Variants in PELP1 observed in about 807,000 individuals in gnomAD.
The protein encoded by PELP1 is proline-, glutamic acid- and leucine-rich protein 1.
Under a neutral mutation model 95.5 loss-of-function variants are expected in PELP1, and 32 were observed. The ratio of observed to expected loss-of-function variants is 0.34; its 90% CI spans 0.25 to 0.45. The LOEUF is 0.45. PELP1 is among the 20% of genes least tolerant of loss of function. The pLI is 1.00. For missense variants in PELP1, 1,358 were observed against 1,444.8 expected, an observed-to-expected ratio of 0.94 and a Z score of 0.97; for synonymous variants, 668 against 600.1, an observed-to-expected ratio of 1.11 and a Z score of -1.65.
At position 4,672,242 on chromosome 17, in the gene PELP1, C is replaced by T; in HGVS notation, c.2749G>A (p.Glu917Lys). 1.9e-6 allele frequency: 3 copies of T among 1,552,976 alleles called. No individual in the cohort carries two copies. The highest frequency in any genetic ancestry group is 2.6e-6 in the Non-Finnish European group (3 of 1,147,568). The change falls in exon 16 of 17, where the codon GAA becomes AAA. Residue 917 changes from glutamate (E) to lysine (K), a missense_variant. Transcript: ENST00000572293. Reference sequence around the variant, plus strand: ...TCTTCCTCTTCAAAATATTCCTCTTCATCCTCTTCCTCTTCCTCAAAGTCT... The same window carrying T: ...TCTTCCTCTTCAAAATATTCCTCTTTATCCTCTTCCTCTTCCTCAAAGTCT... Reference protein sequence around the residue: ...EEDFEEEEEDEEEYFEEEEEE... With the variant: ...EEDFEEEEEDKEEYFEEEEEE...
chr17:4,696,032 GA>G (rs35433764), intron 1 of PELP1, among the ~76,000 whole-genome samples: 22,435 of 144,404 alleles, frequency 0.16, 2,913 homozygotes, highest in African/African-American at 0.35. Context: ...TCCAGGAAAA[GA>G]AAAAAAAAAA....
At chr17:4,689,984 C>T (rs1399616087) in intron 3 of PELP1, among the ~76,000 whole-genome samples, 1 of 152,046 alleles carries the variant, frequency 6.6e-6, no homozygotes, top group Non-Finnish European at 1.5e-5. Flanking sequence ...TGAGAGCGCG[C>T]CACTGCACTC....
In PELP1 at chr17:4,673,507, T is replaced by C. The variant is rs976206603; in HGVS notation, c.1639-51A>G. ...AACATCCCCAAGACCACCCAACCCT[T>C]CTCCAGAGCCTACTCCCAGGTCGGA... is the stretch of plus-strand genomic sequence containing the variant. On this transcript the variant is annotated intron_variant, in intron 14 of 16. Transcript: ENST00000572293. The surrounding 1 kb of genome is among the most constrained non-coding windows in gnomAD (Gnocchi z 5.7). The C allele has an allele frequency of 6.4e-7, 1 of 1,565,038 alleles. No individual in the cohort carries two copies. Among genetic ancestry groups the C allele is most frequent in the African/African-American group, 1.4e-5 (1 of 73,768 alleles).
At chr17:4,703,837 C>G (rs755643345) in intron 1 of PELP1, 26 bp downstream of exon 1, 21 of 1,589,866 alleles carry the variant, frequency 1.3e-5, no homozygotes, top group Non-Finnish European at 1.7e-5. Flanking sequence ...CCCACAGGGC[C>G]GCGGGCACGC....
chr17:4,690,744 G>A (rs1005843158), intron 3 of PELP1, 144 bp downstream of exon 3: 1 of 588,766 alleles, frequency 1.7e-6, no homozygotes, highest in Admixed American at 2.9e-5. Flanking sequence ...TCTATTTGAA[G>A]CTTATCCTCT....
intron 3 of PELP1, among the ~76,000 whole-genome samples, chr17:4,686,551 T>C (rs1254442317): frequency 6.6e-6 from 1 of 152,148 alleles, no homozygotes; most frequent in Non-Finnish European, 1.5e-5. Context: ...GGAGTCTCGC[T>C]CTGTCACCCA....
intron 3 of PELP1, among the ~76,000 whole-genome samples, chr17:4,689,517 G>C (rs2150562012): frequency 1.3e-5 from 2 of 152,290 alleles, no homozygotes; most frequent in South Asian, 2.1e-4. Flanking sequence ...CTAAGGACAT[G>C]AACAGGCAAT....
chr17:4,692,244 G>C (rs1429349862), intron 1 of PELP1, among the ~76,000 whole-genome samples: 2 of 152,142 alleles, frequency 1.3e-5, no homozygotes, highest in Non-Finnish European at 2.9e-5. Flanking sequence ...AAAGCAGGCG[G>C]ATCACGAGGT....
At position 4,674,621 on chromosome 17, in the gene PELP1, G is replaced by T; in HGVS notation, c.1471C>A (p.Pro491Thr). Reference sequence around the variant, plus strand: ...AGCTTTAGCTTCTTGGGGGCGCTAGGCTTCCCAGTCTGCAAACTCCCATCA... The same window carrying T: ...AGCTTTAGCTTCTTGGGGGCGCTAGTCTTCCCAGTCTGCAAACTCCCATCA... Reference protein sequence around the residue: ...SPDGSLQTGKPSAPKKLKLDV... With the variant: ...SPDGSLQTGKTSAPKKLKLDV... The change falls in exon 13 of 17, where the codon CCT becomes ACT. Residue 491 changes from proline to threonine, a missense_variant. Coordinates refer to ENST00000572293, the MANE Select transcript of PELP1 (RefSeq NM_014389.3). 1 of 1,605,048 alleles carries T rather than the reference G, an allele frequency of 6.2e-7. No individual in the cohort carries two copies. Among genetic ancestry groups the T allele is most frequent in the Non-Finnish European group, 8.5e-7 (1 of 1,177,504 alleles).
intron 13 of PELP1, among the ~76,000 whole-genome samples, chr17:4,674,214 CA>C (rs1912355058): frequency 6.6e-6 from 1 of 152,232 alleles, no homozygotes; most frequent in Non-Finnish European, 1.5e-5. Context: ...TGTCGGCTAC[CA>C]GAGCTCCCGG....
intron 3 of PELP1, chr17:4,683,219 TTC>T: frequency 7.9e-6 from 2 of 251,736 alleles, no homozygotes; most frequent in Non-Finnish European, 1.1e-5. Flanking sequence ...CTGAAGAGTT[TTC>T]TTTTTTTTTT....
chr17:4,701,701 CT>C (rs1346802119), intron 1 of PELP1, among the ~76,000 whole-genome samples: 2 of 152,180 alleles, frequency 1.3e-5, no homozygotes, highest in African/African-American at 4.8e-5. Flanking sequence ...CATTTCTCAT[CT>C]TAACTAGACT....
In PELP1 at chr17:4,673,411, C is replaced by A. The variant is rs768159419; in HGVS notation, c.1684G>T (p.Gly562Cys). The A allele has an allele frequency of 6.3e-7, 1 of 1,595,950 alleles. No homozygotes were observed. Among genetic ancestry groups the A allele is most frequent in the South Asian group, 1.1e-5 (1 of 88,154 alleles). The change falls in exon 15 of 17, where the codon GGT becomes TGT. Residue 562 changes from glycine to cysteine, a missense_variant. Coordinates refer to ENST00000572293, the MANE Select transcript of PELP1 (RefSeq NM_014389.3). This position sits in a 1 kb window ranked among gnomAD's most constrained non-coding sequence, Gnocchi z 5.7. ...VLPLVMGVQQ[G>C]EVLGSSPYTS... ...TACGGGGAGCTGCCTAGGACCTCACCCTGCTGTACACCCATGACCAGGGGG... is the reference window on the plus strand; with the variant it reads ...TACGGGGAGCTGCCTAGGACCTCACACTGCTGTACACCCATGACCAGGGGG...
intron 4 of PELP1, 74 bp from the exon 5 acceptor site, chr17:4,682,647 C>T (rs980530597): frequency 6.9e-7 from 1 of 1,445,250 alleles, no homozygotes; most frequent in Admixed American, 1.8e-5. Context: ...CCCAGCACCC[C>T]ACAAGGGCCC....
intron 1 of PELP1, among the ~76,000 whole-genome samples, chr17:4,696,343 A>T (rs962811191): frequency 6.6e-6 from 1 of 152,170 alleles, no homozygotes; most frequent in African/African-American, 2.4e-5. Flanking sequence ...AAAAAAGAAA[A>T]ATAAAAAGAG....
intron 6 of PELP1, 85 bp from the exon 7 acceptor site, chr17:4,676,592 T>C (rs2150554922): frequency 2.6e-6 from 4 of 1,536,542 alleles, no homozygotes; most frequent in South Asian, 1.2e-5. Flanking sequence ...CCAAAAGAGA[T>C]GGAGATCAGA....
chr17:4,676,913 C>A, intron 5 of PELP1, 101 bp from the exon 6 acceptor site: 1 of 876,640 alleles, frequency 1.1e-6, no homozygotes, highest in South Asian at 1.5e-5. Flanking sequence ...GCCCAGGTCT[C>A]TTTTTCCTGT....
rs1912372636 is a variant in PELP1, at chr17:4,674,541, G to A, written c.1551C>T (p.Ala517=). 6.2e-7 allele frequency: 1 copy of A among 1,613,218 alleles called. No individual in the cohort carries two copies. Among genetic ancestry groups the A allele is most frequent in the Admixed American group, 1.7e-5 (1 of 59,778 alleles). The change falls in exon 13 of 17, where the codon GCC becomes GCT. Residue 517 remains alanine (A), a synonymous_variant. Transcript: ENST00000572293. ...PPSHRKGDSN[A]NSDVCAAALR... ...GTGCAGCCGCACACACGTCGCTGTT[G>A]GCATTGCTATCCCCTTTCCGGTGGC...
chr17:4,695,279 G>A (rs148174727), intron 1 of PELP1, among the ~76,000 whole-genome samples: 15 of 151,610 alleles, frequency 9.9e-5, no homozygotes, highest in African/African-American at 2.7e-4. Context: ...CCGAGATCAC[G>A]CCACTGCACT....
Sources: allele counts gnomAD v4.1 joint callset (sites outside exome capture counted in the v4.1 genomes callset), GRCh38; gene constraint gnomAD v4.1.1; non-coding constraint Gnocchi (gnomAD v3.1); transcripts MANE v1.5; gene names NCBI Gene and HGNC (gene_info 2026-07-23, HGNC 2026-07-21).